The following ACAD11 variants were observed in gnomAD, a reference collection of about 807,000 sequenced individuals.
ACAD11 encodes the protein acyl-Coenzyme A dehydrogenase family, member 11.
In ACAD11, 83 loss-of-function variants were observed where a neutral mutation model predicts 102.2. The ratio of observed to expected loss-of-function variants is 0.81; its 90% CI spans 0.68 to 0.97. The LOEUF is 0.97. Among genes scored for constraint, ACAD11 ranks in the 50% least tolerant of loss-of-function variants. The pLI is 0.00. For missense variants in ACAD11, 901 were observed against 951.7 expected (o/e 0.95, Z 0.70); for synonymous variants, 324 against 319.8 (o/e 1.01, Z -0.14).
intron 3 of ACAD11, 108 bp from the exon 4 acceptor site, chr3:132,642,241 T>A: frequency 2.9e-6 from 3 of 1,043,346 alleles, no homozygotes; most frequent in Non-Finnish European, 4.1e-6. Context: ...AGAGTATACA[T>A]GCCAAAGGGA....
intron 1 of ACAD11, among the ~76,000 whole-genome samples, chr3:132,653,558 TA>T (rs1249378280): frequency 6.6e-6 from 1 of 152,224 alleles, no homozygotes; most frequent in Non-Finnish European, 1.5e-5. Context: ...AATATGATGT[TA>T]TTTTTTAAAA....
At chr3:132,594,691 A>T (rs954273454) in intron 13 of ACAD11, among the ~76,000 whole-genome samples, 8 of 152,320 alleles carry the variant, frequency 5.3e-5, no homozygotes, top group Non-Finnish European at 7.4e-5. Flanking sequence ...GGTCAGACCT[A>T]AATCTGAATT....
chr3:132,587,041 T>A (rs1315218268), intron 13 of ACAD11, among the ~76,000 whole-genome samples: 1 of 152,086 alleles, frequency 6.6e-6, no homozygotes, highest in African/African-American at 2.4e-5. Context: ...CTGCAGTGAG[T>A]GAGCTGAGAT....
intron 13 of ACAD11, chr3:132,600,582 T>C (rs375285193): frequency 3.7e-6 from 6 of 1,613,970 alleles, no homozygotes; most frequent in Admixed American, 3.3e-5. Context: ...AATTCCATGG[T>C]AGTGGCAATT....
intron 13 of ACAD11, among the ~76,000 whole-genome samples, chr3:132,597,006 G>T (rs755443620): frequency 6.6e-6 from 1 of 152,078 alleles, no homozygotes; most frequent in Non-Finnish European, 1.5e-5. Context: ...TCTCCTTCTG[G>T]TTCAGCAGTC....
chr3:132,617,878 G>A (rs1217601262), intron 11 of ACAD11, among the ~76,000 whole-genome samples: 2 of 151,896 alleles, frequency 1.3e-5, no homozygotes, highest in Non-Finnish European at 2.9e-5. Context: ...TGCCTTTTCT[G>A]TTCCATCTAC....
intron 1 of ACAD11, chr3:132,646,447 T>G (rs1940721512): frequency 6.6e-6 from 1 of 152,220 alleles, no homozygotes; most frequent in Non-Finnish European, 1.5e-5. Context: ...AACATCTGAT[T>G]GGATGCATTT....
Position 132,630,534 on chromosome 3 carries a change from A to G in ACAD11, c.866T>C (p.Ile289Thr). ...TCCCCTGCAGCGGCAATATATTGAA[A>G]TCAGTTCTTCCATTGATGGTATCCC... ...NSGIPSMEELISIYCRCRGIN... is the reference protein window; with the variant it reads ...NSGIPSMEELTSIYCRCRGIN... Residue 289 changes from isoleucine to threonine, a missense_variant, in exon 7 of 20, where the codon ATT becomes ACT. Physicochemically the swap from Ile to Thr is moderately conservative, Grantham distance 89 (BLOSUM62 -1). Coordinates refer to ENST00000264990, the MANE Select transcript of ACAD11 (RefSeq NM_032169.5). 6.2e-7 allele frequency: 1 copy of G among 1,611,932 alleles called. No homozygotes were observed. The highest frequency in any genetic ancestry group is 1.7e-5 in the Admixed American group (1 of 59,694).
intron 16 of ACAD11, among the ~76,000 whole-genome samples, 161 bp from the exon 17 acceptor site, chr3:132,576,087 G>A (rs1937520047): frequency 6.6e-6 from 1 of 152,088 alleles, no homozygotes; most frequent in South Asian, 2.1e-4. Context: ...TGAATTCATG[G>A]GAATTTTGAT....
At chr3:132,627,766 A>C (rs1353795224) in intron 8 of ACAD11, among the ~76,000 whole-genome samples, 4 of 152,210 alleles carry the variant, frequency 2.6e-5, no homozygotes, top group East Asian at 3.8e-4. Flanking sequence ...CATCTATAAG[A>C]TAAATTGGAA....
intron 13 of ACAD11, among the ~76,000 whole-genome samples, chr3:132,593,914 C>A (rs1270443851): frequency 2.6e-5 from 4 of 152,156 alleles, no homozygotes; most frequent in Admixed American, 6.5e-5. Context: ...CAAGTAAGTA[C>A]TTTGAAAAGT....
At chr3:132,564,824 C>T (rs1311014158) in intron 17 of ACAD11, among the ~76,000 whole-genome samples, 3 of 152,164 alleles carry the variant, frequency 2.0e-5, no homozygotes, top group Non-Finnish European at 4.4e-5. Context: ...CATAAGAAGA[C>T]TCTGAAAGGT....
intron 9 of ACAD11, among the ~76,000 whole-genome samples, chr3:132,626,005 C>T (rs1251811250): frequency 6.6e-6 from 1 of 152,202 alleles, no homozygotes; most frequent in African/African-American, 2.4e-5. Context: ...TGCCCCAACT[C>T]CCTTACATAT....
intron 1 of ACAD11, among the ~76,000 whole-genome samples, chr3:132,648,132 T>C (rs1215170770): frequency 6.6e-6 from 1 of 152,146 alleles, no homozygotes; most frequent in African/African-American, 2.4e-5. Flanking sequence ...CCATTATCTG[T>C]AGTAGCAGTC....
chr3:132,605,130 T>C lies in ACAD11; in HGVS notation c.1490A>G (p.Gln497Arg). 6.2e-7 allele frequency: 1 copy of C among 1,613,482 alleles called. No homozygotes were observed. Among genetic ancestry groups the C allele is most frequent in the South Asian group, 1.1e-5 (1 of 91,048 alleles). The change falls in exon 12 of 20, where the codon CAA (glutamine) becomes CGA (arginine). Residue 497 changes from glutamine to arginine, a missense_variant. Transcript: ENST00000264990. ...QKKQWLEPLL[Q>R]GNITSCFCMT... ...ACAGAAGCAAGAGGTAATGTTCCCT[T>C]GAAGAAGAGGCTCAAGCCACTGTTT...
At chr3:132,595,443 A>G (rs1450936768) in intron 13 of ACAD11, among the ~76,000 whole-genome samples, 1 of 152,198 alleles carries the variant, frequency 6.6e-6, no homozygotes, top group East Asian at 1.9e-4. Context: ...AGAAGCAAAA[A>G]TTGACAAATG....
At chr3:132,618,794 C>A in intron 10 of ACAD11, 22 bp from the exon 11 acceptor site, 2 of 1,532,532 alleles carry the variant, frequency 1.3e-6, no homozygotes, top group Non-Finnish European at 1.7e-6. Context: ...ATGAACATGC[C>A]AGAGTGACCA....
At chr3:132,560,936 G>C (rs1028572982) in intron 18 of ACAD11, among the ~76,000 whole-genome samples, 165 bp downstream of exon 18, 1 of 152,004 alleles carries the variant, frequency 6.6e-6, no homozygotes, top group Non-Finnish European at 1.5e-5. Context: ...CACTTGCTAG[G>C]AGACTAGCAA....
chr3:132,620,074 A>G (rs1388202699), intron 9 of ACAD11, among the ~76,000 whole-genome samples: 1 of 152,192 alleles, frequency 6.6e-6, no homozygotes, highest in Non-Finnish European at 1.5e-5. Context: ...CAAACATGGC[A>G]AGAGGGAGGA....
Sources: allele counts gnomAD v4.1 joint callset (sites outside exome capture counted in the v4.1 genomes callset), GRCh38; gene constraint gnomAD v4.1.1; transcripts MANE v1.5; gene names NCBI Gene and HGNC (gene_info 2026-07-23, HGNC 2026-07-21).